Variants in MUC5AC observed in about 807,000 individuals in gnomAD.
MUC5AC encodes the protein mucin-5AC.
Under a neutral mutation model 169.7 loss-of-function variants are expected in MUC5AC, and 158 were observed. That is an observed-to-expected ratio of 0.93 (90% CI 0.82 to 1.06). MUC5AC has a LOEUF of 1.06. MUC5AC is among the 50% of genes least tolerant of loss of function. The pLI is 0.00. For missense variants in MUC5AC, 4,359 were observed against 3,089.9 expected, an observed-to-expected ratio of 1.41 and a Z score of -9.74; for synonymous variants, 1,975 against 1,237.0, an observed-to-expected ratio of 1.60 and a Z score of -12.52.
intron 16 of MUC5AC, among the ~76,000 whole-genome samples, chr11:1,173,530 CACTCATTT>C (rs1244803782): frequency 6.6e-6 from 1 of 150,668 alleles, no homozygotes; most frequent in East Asian, 2.0e-4. Flanking sequence ...CTCACTCATT[CACTCATTT>C]ACTGACTCAC....
intron 16 of MUC5AC, among the ~76,000 whole-genome samples, chr11:1,173,008 A>G: frequency 6.8e-6 from 1 of 146,702 alleles, no homozygotes; most frequent in South Asian, 2.2e-4. Context: ...TCACCCGTTC[A>G]CCCATTCGCC....
In MUC5AC at chr11:1,157,998, C is replaced by T; in HGVS notation, c.-2C>T. 1 of 1,594,556 alleles carries T rather than the reference C, an allele frequency of 6.3e-7. No homozygotes were observed. The highest frequency in any genetic ancestry group is 8.5e-7 in the Non-Finnish European group (1 of 1,171,776). On this transcript the variant is annotated 5_prime_UTR_variant, in exon 1 of 49. Coordinates refer to ENST00000621226, the MANE Select transcript of MUC5AC (RefSeq NM_001304359.2). ...AGGGCACTCTTCCCCGCCGTCCACA[C>T]AATGAGTGTTGGCCGGAGGAAGCTG...
chr11:1,195,823 C>T, intron 36 of MUC5AC, 53 bp from the exon 37 acceptor site: 9 of 742,624 alleles, frequency 1.2e-5, no homozygotes, highest in Non-Finnish European at 2.2e-5. Flanking sequence ...TGACGTGGAG[C>T]AGGCAGGTGG....
chr11:1,178,870 G>A (rs1158324969), intron 25 of MUC5AC, among the ~76,000 whole-genome samples, 187 bp downstream of exon 25: 1 of 152,218 alleles, frequency 6.6e-6, no homozygotes, highest in African/African-American at 2.4e-5. Context: ...TGTCAGCTAT[G>A]GTTTCGGGGC....
Position 1,184,843 on chromosome 11 carries a change from C to G in MUC5AC, c.6698C>G (p.Pro2233Arg), listed in dbSNP as rs1490983839. The change falls in exon 31 of 49, where the codon CCT becomes CGT. Residue 2233 changes from proline (P) to arginine (R), a missense_variant. Coordinates refer to ENST00000621226, the MANE Select transcript of MUC5AC (RefSeq NM_001304359.2). ...ACACCTGTGACAGCTCCTAGCACCCCTAGTGGGAGAGCCACCAGCCCAACT... is the reference window on the plus strand; with the variant it reads ...ACACCTGTGACAGCTCCTAGCACCCGTAGTGGGAGAGCCACCAGCCCAACT... The part of the protein sequence containing the change: ...TSTPVTAPST[P>R]SGRATSPTQS... 853 of 639,492 alleles carry G rather than the reference C, an allele frequency of 1.3e-3. 1 individual carries two copies. The highest frequency in any genetic ancestry group is 1.9e-3 in the Non-Finnish European group (691 of 357,740). 39.6% of individuals were successfully genotyped at this position (639,492 alleles called of 1,614,324 possible). A position where few individuals can be genotyped will look rare whatever the true frequency, so the allele number is the denominator to read the frequency against.
In MUC5AC at chr11:1,161,953, C is replaced by T. The variant is rs751635590; in HGVS notation, c.258C>T (p.Ser86=). 3 of 1,612,240 alleles carry T rather than the reference C, an allele frequency of 1.9e-6. No homozygotes were observed. The highest frequency in any genetic ancestry group is 2.5e-6 in the Non-Finnish European group (3 of 1,179,698). The stretch of plus-strand genomic sequence containing the variant: ...GGCGGGTGTGCAGCACCTGGGGCAG[C>T]TTCCACTACAAGACCTTCGACGGCG... The part of the protein sequence containing the change: ...HNGRVCSTWG[S]FHYKTFDGDV... Residue 86 remains serine (S), a synonymous_variant, in exon 4 of 49, where the codon AGC becomes AGT. Coordinates refer to ENST00000621226, the MANE Select transcript of MUC5AC (RefSeq NM_001304359.2).
chr11:1,174,954 G>A lies in MUC5AC; in HGVS notation c.2165G>A (p.Arg722His), dbSNP rs1413612263. 8.8e-5 allele frequency: 36 copies of A among 408,942 alleles called. 1 individual carries two copies. The highest frequency in any genetic ancestry group is 3.3e-4 in the African/African-American group (16 of 48,854). 25.3% of individuals were successfully genotyped at this position (408,942 alleles called of 1,614,324 possible). A position where few individuals can be genotyped will look rare whatever the true frequency, so the allele number is the denominator to read the frequency against. Residue 722 changes from arginine to histidine, a missense_variant, in exon 18 of 49, where the codon CGC becomes CAC. By Grantham distance (29) the Arg-to-His change is conservative. Coordinates refer to ENST00000621226, the MANE Select transcript of MUC5AC (RefSeq NM_001304359.2). ...GTCAGCACCTGCCAGCCCACCTGCCGCTCCCTGAGCGAGGGGGACATCACC... is the reference window on the plus strand; with the variant it reads ...GTCAGCACCTGCCAGCCCACCTGCCACTCCCTGAGCGAGGGGGACATCACC... ...YHVSTCQPTCRSLSEGDITCS... is the reference protein window; with the variant it reads ...YHVSTCQPTCHSLSEGDITCS...
In MUC5AC at chr11:1,196,861, A is replaced by T; in HGVS notation, c.15830-16A>T. The T allele has an allele frequency of 1.3e-6, 1 of 762,442 alleles. No individual in the cohort carries two copies. Among genetic ancestry groups the T allele is most frequent in the Non-Finnish European group, 2.4e-6 (1 of 416,924 alleles). The allele number at this position is 762,442 out of a possible 1,614,324, so 47.2% of individuals were successfully genotyped here. On this transcript the variant is annotated splice_polypyrimidine_tract_variant and intron_variant, in intron 39 of 48. Coordinates refer to ENST00000621226, the MANE Select transcript of MUC5AC (RefSeq NM_001304359.2). ...GGTGGCTGACCCCCAGTAACCTCAG[A>T]TCTCTCTCCTTCCAGGGTGTCTGGG...
rs1180654154 is a variant in MUC5AC, at chr11:1,167,903, A to T, written c.1413A>T (p.Val471=). 1 of 1,550,446 alleles carries T rather than the reference A, an allele frequency of 6.4e-7. No individual in the cohort carries two copies. The highest frequency in any genetic ancestry group is 8.7e-7 in the Non-Finnish European group (1 of 1,147,040). ...TKPCDSSAFT[V]LAELRRCGLT... ...CCTGTGACAGCAGTGCCTTCACTGT[A>T]CTGGCTGAGCTGCGCAGGTGCGGGC... Residue 471 remains valine, a synonymous_variant, in exon 12 of 49, where the codon GTA becomes GTT. Coordinates refer to ENST00000621226, the MANE Select transcript of MUC5AC (RefSeq NM_001304359.2).
At position 1,189,157 on chromosome 11, in the gene MUC5AC, G is replaced by C; in HGVS notation, c.11012G>C (p.Ser3671Thr). 1 of 598,934 alleles carries C rather than the reference G, an allele frequency of 1.7e-6. No individual in the cohort carries two copies. The highest frequency in any genetic ancestry group is 3.0e-6 in the Non-Finnish European group (1 of 336,012). 37.1% of individuals were successfully genotyped at this position (598,934 alleles called of 1,614,324 possible). A position where few individuals can be genotyped will look rare whatever the true frequency, so the allele number is the denominator to read the frequency against. ...TSSITSTTQTSTTSAPTTSTT... is the reference protein window; with the variant it reads ...TSSITSTTQTTTTSAPTTSTT... The stretch of plus-strand genomic sequence containing the variant: ...AGCATAACCTCCACTACACAGACCA[G>C]CACAACCTCTGCCCCTACAACTAGC... Residue 3671 changes from serine to threonine, a missense_variant, in exon 31 of 49, where the codon AGC becomes ACC. Coordinates refer to ENST00000621226, the MANE Select transcript of MUC5AC (RefSeq NM_001304359.2).
Position 1,200,528 on chromosome 11 carries a change from C to T in MUC5AC, c.16791C>T (p.Thr5597=), listed in dbSNP as rs751231952. ...TSLRNVTLHC[T]DGSSRAFSYT... is the part of the protein sequence containing the mutation. ...TGAGGAATGTGACCCTGCACTGCAC[C>T]GACGGCTCCAGCCGGGCCTTCAGCT... The change falls in exon 49 of 49, where the codon ACC becomes ACT. Residue 5597 remains threonine, a synonymous_variant. Transcript: ENST00000621226. The T allele has an allele frequency of 2.4e-5, 18 of 761,394 alleles. No homozygotes were observed. The highest frequency in any genetic ancestry group is 3.4e-5 in the Admixed American group (2 of 58,382). 47.2% of individuals were successfully genotyped at this position (761,394 alleles called of 1,614,324 possible).
At chr11:1,170,589 T>TCACC (rs1860481293) in intron 15 of MUC5AC, among the ~76,000 whole-genome samples, 1 of 78,998 alleles carries the variant, frequency 1.3e-5, no homozygotes, top group Non-Finnish European at 2.4e-5. Context: ...ACCTACTCAC[T>TCACC]CACTCACTCA....
rs1162991905 is a variant in MUC5AC at position 1,190,654 on chromosome 11, ACT to A, written c.12512_12513del (p.Ser4171CysfsTer141). 2 of 605,674 alleles carry A rather than the reference ACT, an allele frequency of 3.3e-6. No homozygotes were observed. The highest frequency in any genetic ancestry group is 2.4e-5 in the African/African-American group (1 of 40,946). The allele number at this position is 605,674 out of a possible 1,614,324, so 37.5% of individuals were successfully genotyped here. A position where few individuals can be genotyped will look rare whatever the true frequency, so the allele number is the denominator to read the frequency against. On this transcript the variant is annotated frameshift_variant, in exon 31 of 49. Transcript: ENST00000621226. LOFTEE classifies it high-confidence loss of function. Reference sequence around the variant, plus strand: ...ACCTCTGCTCCAACAACCAGCACAAACTCTGCTCCTACAACCAGCACAATCTC... The same window carrying A: ...ACCTCTGCTCCAACAACCAGCACAAACTGCTCCTACAACCAGCACAATCTC...
chr11:1,179,794 G>T (rs896624706), intron 26 of MUC5AC, among the ~76,000 whole-genome samples: 1 of 151,996 alleles, frequency 6.6e-6, no homozygotes, highest in Non-Finnish European at 1.5e-5. Context: ...GAGCCTTGCC[G>T]GGAACGGGCA....
rs1304298266 is a variant in MUC5AC at position 1,186,824 on chromosome 11, C to A, written c.8679C>A (p.Thr2893=). The A allele has an allele frequency of 4.2e-6, 3 of 713,428 alleles. No individual in the cohort carries two copies. The highest frequency in any genetic ancestry group is 3.5e-5 in the African/African-American group (2 of 56,644). 44.2% of individuals were successfully genotyped at this position (713,428 alleles called of 1,614,324 possible). A position where few individuals can be genotyped will look rare whatever the true frequency, so the allele number is the denominator to read the frequency against. ...GCCCTGTTCCCACCACCAGTACAAC[C>A]TCTGCTCCTACAACCAGAACAACCT... is the stretch of plus-strand genomic sequence containing the variant. The part of the protein sequence containing the change: ...TPSPVPTTST[T]SAPTTRTTSA... The change falls in exon 31 of 49, where the codon ACC becomes ACA. Residue 2893 remains threonine (T), a synonymous_variant. Transcript: ENST00000621226.
chr11:1,168,428 G>T, intron 12 of MUC5AC, 55 bp from the exon 13 acceptor site: 1 of 1,552,054 alleles, frequency 6.4e-7, no homozygotes, highest in Non-Finnish European at 8.8e-7. Flanking sequence ...GCCTCCGCGG[G>T]GCTGAGGTGC....
chr11:1,160,649 GCACCACC>G lies in MUC5AC; in HGVS notation c.113_119del (p.His38LeufsTer24). 1 of 1,610,664 alleles carries G rather than the reference GCACCACC, an allele frequency of 6.2e-7. No individual in the cohort carries two copies. Among genetic ancestry groups the G allele is most frequent in the Non-Finnish European group, 8.5e-7 (1 of 1,179,636 alleles). On this transcript the variant is annotated frameshift_variant, in exon 2 of 49. Coordinates refer to ENST00000621226, the MANE Select transcript of MUC5AC (RefSeq NM_001304359.2). LOFTEE classifies it high-confidence loss of function. ...ATGGCTCCTCCGAATCCAGCTACAAGCACCACCCTGCCCTCTCTCCTATCGCCCGGGG... is the reference window on the plus strand; with the variant it reads ...ATGGCTCCTCCGAATCCAGCTACAAGCTGCCCTCTCTCCTATCGCCCGGGG...
At chr11:1,163,427 G>A (rs997565661) in intron 6 of MUC5AC, among the ~76,000 whole-genome samples, 1 of 152,174 alleles carries the variant, frequency 6.6e-6, no homozygotes. Context: ...CCCCTGCCAG[G>A]CCCATGAAGC....
At position 1,198,275 on chromosome 11, in the gene MUC5AC, A is replaced by G; in HGVS notation, c.16143A>G (p.Thr5381=). The change falls in exon 43 of 49, where the codon ACA becomes ACG. Residue 5381 remains threonine (T), a synonymous_variant. Transcript: ENST00000621226. The part of the protein sequence containing the change: ...ACCPVQNCSW[T]VCSINGTLYQ... ...TTGTCTTCTCGTGGGCAGGCTGGAC[A>G]GTGTGCAGCATCAACGGGACCCTGT... 1 of 755,144 alleles carries G rather than the reference A, an allele frequency of 1.3e-6. No individual in the cohort carries two copies. Among genetic ancestry groups the G allele is most frequent in the South Asian group, 1.4e-5 (1 of 72,756 alleles). 46.8% of individuals were successfully genotyped at this position (755,144 alleles called of 1,614,324 possible).
Sources: gnomAD v4.1 joint callset for allele counts (sites outside exome capture counted in the v4.1 genomes callset) on GRCh38, gnomAD v4.1.1 for gene constraint, MANE v1.5 for transcripts, NCBI Gene and HGNC (gene_info 2026-07-23, HGNC 2026-07-21) for gene names.